OPN4: variants seen among roughly 807,000 people sequenced by gnomAD.
OPN4 encodes the protein melanopsin.
OPN4 carries 43 observed loss-of-function variants against 49.5 expected under a neutral mutation model. The ratio of observed to expected loss-of-function variants is 0.87; its 90% confidence interval spans 0.68 to 1.12. OPN4 has a LOEUF of 1.12. Among genes scored for constraint, OPN4 ranks in the 50% most tolerant of loss-of-function variants. The pLI, the probability that OPN4 is intolerant of heterozygous loss-of-function variation, is 0.00. For synonymous variants in OPN4, 263 were observed against 258.0 expected, an observed-to-expected ratio of 1.02 and a Z score of -0.19; for missense variants, 657 against 643.9, an observed-to-expected ratio of 1.02 and a Z score of -0.22.
Position 86,662,281 on chromosome 10 carries a change from TG to T in OPN4, c.1108del (p.Val370CysfsTer24), listed in dbSNP as rs781343901. The T allele has an allele frequency of 3.7e-6, 6 of 1,609,806 alleles. No individual in the cohort carries two copies. The East Asian group carries it at 8.9e-5, about 24-fold the overall frequency. On this transcript the variant is annotated frameshift_variant, in exon 8 of 10. Coordinates refer to ENST00000241891, the MANE Select transcript of OPN4 (RefSeq NM_033282.4). LOFTEE classifies it high-confidence loss of function. ...GCCATTGCCCAGCACCTGCCCTGCC[TG>T]GGGGTGCTGCTGGGTGTATCACGCC... ...RVAIAQHLPC[L>X]GVLLGVSRRH...
intron 9 of OPN4, among the ~76,000 whole-genome samples, chr10:86,665,077 C>G (rs950474137): frequency 6.6e-6 from 1 of 152,130 alleles, no homozygotes; most frequent in Non-Finnish European, 1.5e-5. Flanking sequence ...GATGAGGATA[C>G]AGCCTGTGTG....
chr10:86,660,061 T>C lies in OPN4; in HGVS notation c.965+2T>C, dbSNP rs1228751619. 1 of 1,614,070 alleles carries C rather than the reference T, an allele frequency of 6.2e-7. No homozygotes were observed. Among genetic ancestry groups the C allele is most frequent in the Admixed American group, 1.7e-5 (1 of 60,028 alleles). On this transcript the variant is annotated splice_donor_variant, in intron 6 of 9. Transcript: ENST00000241891. LOFTEE classifies it high-confidence loss of function. ...TGTGGCCCTGGTGGCCTTTGCTGGG[T>C]AAGCAGTGGCTAAAGGGTTGGGGAA...
In OPN4 at chr10:86,663,761, C is replaced by G. The variant is rs1410430672; in HGVS notation, c.1357C>G (p.Pro453Ala). 2 of 1,559,314 alleles carry G rather than the reference C, an allele frequency of 1.3e-6. No individual in the cohort carries two copies. Among genetic ancestry groups the G allele is most frequent in the Non-Finnish European group, 1.7e-6 (2 of 1,151,976 alleles). Residue 453 changes from proline (P) to alanine (A), a missense_variant, in exon 9 of 10, where the codon CCC becomes GCC. By Grantham distance (27) the Pro-to-Ala change is conservative. Coordinates refer to ENST00000241891, the MANE Select transcript of OPN4 (RefSeq NM_033282.4). ...TCTGGAGGACTTGGAAGCCAAGGCA[C>G]CCCCCAGACCCCAGGGACACGAAGC... is the stretch of plus-strand genomic sequence containing the variant. ...QGLEDLEAKA[P>A]PRPQGHEAET... is the part of the protein sequence containing the mutation.
rs1843930196 is a variant in OPN4, at chr10:86,658,667, T to A, written c.608T>A (p.Leu203Gln). 6.2e-7 allele frequency: 1 copy of A among 1,613,052 alleles called. No individual in the cohort carries two copies. The highest frequency in any genetic ancestry group is 1.3e-5 in the African/African-American group (1 of 74,932). Residue 203 changes from leucine to glutamine, a missense_variant, in exon 4 of 10, where the codon CTG (leucine) becomes CAG (glutamine). By Grantham distance (113) the Leu-to-Gln change is moderately radical (BLOSUM62 -2). Coordinates refer to ENST00000241891, the MANE Select transcript of OPN4 (RefSeq NM_033282.4). Reference sequence around the variant, plus strand: ...TGGCTCTATGCCCTGGCCTGGAGTCTGCCACCCTTCTTCGGCTGGAGTAAG... The same window carrying A: ...TGGCTCTATGCCCTGGCCTGGAGTCAGCCACCCTTCTTCGGCTGGAGTAAG... ...GVWLYALAWS[L>Q]PPFFGWSAYV... is the part of the protein sequence containing the mutation.
chr10:86,658,598 G>T lies in OPN4; in HGVS notation c.539G>T (p.Gly180Val). 1.2e-6 allele frequency: 2 copies of T among 1,614,212 alleles called. No homozygotes were observed. The highest frequency in any genetic ancestry group is 1.7e-6 in the Non-Finnish European group (2 of 1,180,046). Residue 180 changes from glycine (G) to valine (V), a missense_variant, in exon 4 of 10, where the codon GGT (glycine) becomes GTT (valine). Coordinates refer to ENST00000241891, the MANE Select transcript of OPN4 (RefSeq NM_033282.4). Reference sequence around the variant, plus strand: ...ATCACACGCCCGCTGGCCACCTTTGGTGTGGCGTCCAAGAGGCGTGCGGCA... The same window carrying T: ...ATCACACGCCCGCTGGCCACCTTTGTTGTGGCGTCCAAGAGGCGTGCGGCA... ...LVITRPLATF[G>V]VASKRRAAFV...
In OPN4 at chr10:86,656,196, G is replaced by C. The variant is rs143739960; in HGVS notation, c.186G>C (p.Thr62=). 1 of 1,614,136 alleles carries C rather than the reference G, an allele frequency of 6.2e-7. No homozygotes were observed. The highest frequency in any genetic ancestry group is 8.5e-7 in the Non-Finnish European group (1 of 1,180,018). The change falls in exon 2 of 10, where the codon ACG becomes ACC. Residue 62 remains threonine (T), a synonymous_variant. Coordinates refer to ENST00000241891, the MANE Select transcript of OPN4 (RefSeq NM_033282.4). ...TWAAAWVPLP[T]VDVPDHAHYT... ...CTGCTGCCTGGGTCCCCCTCCCCAC[G>C]GTTGATGTTCCAGACCATGCCCACT...
rs1240298020 is a variant in OPN4, at chr10:86,664,835, GC to G, written c.1399-876del. 3.3e-5 allele frequency among the ~76,000 whole-genome samples: 5 copies of G among 152,220 alleles called. No homozygotes were observed. In the East Asian group the frequency reaches 9.6e-4, roughly 29 times the overall value. On this transcript the variant is annotated intron_variant, in intron 9 of 9. Transcript: ENST00000241891. ...AGGCCTGGCAGTGACCCCCAGGCTGGCCAGGCACTGATGAAAGACACAGTGC... is the reference window on the plus strand; with the variant it reads ...AGGCCTGGCAGTGACCCCCAGGCTGGCAGGCACTGATGAAAGACACAGTGC...
chr10:86,657,175 C>A (rs767534936), intron 2 of OPN4: 1 of 780,296 alleles, frequency 1.3e-6, no homozygotes, highest in African/African-American at 1.7e-5. Flanking sequence ...CTTGAGCTCA[C>A]TTTTCTTTCC....
chr10:86,659,544 A>C, intron 5 of OPN4, 76 bp downstream of exon 5: 4 of 1,535,292 alleles, frequency 2.6e-6, no homozygotes, highest in Non-Finnish European at 3.5e-6. Flanking sequence ...CCCACCACTC[A>C]CACCTGCACC....
In OPN4 at chr10:86,656,176, G is replaced by A. The variant is rs192643153; in HGVS notation, c.166G>A (p.Ala56Thr). 1.2e-4 allele frequency: 192 copies of A among 1,614,202 alleles called. 1 individual carries two copies. In the Admixed American group the frequency reaches 3.1e-3, roughly 26 times the overall value. Reference sequence around the variant, plus strand: ...GCAGGCACCTGGGACTTGGGCTGCTGCCTGGGTCCCCCTCCCCACGGTTGA... The same window carrying A: ...GCAGGCACCTGGGACTTGGGCTGCTACCTGGGTCCCCCTCCCCACGGTTGA... ...SPTAPGTWAA[A>T]WVPLPTVDVP... The change falls in exon 2 of 10, where the codon GCC becomes ACC. Residue 56 changes from alanine to threonine, a missense_variant. Ala to Thr is a moderately conservative substitution (Grantham distance 58). Coordinates refer to ENST00000241891, the MANE Select transcript of OPN4 (RefSeq NM_033282.4).
intron 2 of OPN4, 57 bp downstream of exon 2, chr10:86,656,357 G>A (rs1350067104): frequency 6.5e-7 from 1 of 1,534,542 alleles, no homozygotes; most frequent in Non-Finnish European, 8.8e-7. Context: ...ATGCAGACAG[G>A]GAAGAAAATG....
intron 6 of OPN4, among the ~76,000 whole-genome samples, chr10:86,660,963 C>T (rs568188523): frequency 2.0e-5 from 3 of 152,310 alleles, no homozygotes; most frequent in South Asian, 4.1e-4. Context: ...CCCGTCTCTA[C>T]TAAAAATACA....
In OPN4 at chr10:86,658,079, C is replaced by A. The variant is rs1247113380; in HGVS notation, c.338C>A (p.Ala113Glu). The A allele has an allele frequency of 6.2e-7, 1 of 1,614,012 alleles. No homozygotes were observed. The highest frequency in any genetic ancestry group is 8.5e-7 in the Non-Finnish European group (1 of 1,180,020). ...GCCAACATGTTCATTATCAACCTCG[C>A]GGTCAGCGACTTCCTCATGTCCTTC... Reference protein sequence around the residue: ...TPANMFIINLAVSDFLMSFTQ... With the variant: ...TPANMFIINLEVSDFLMSFTQ... Residue 113 changes from alanine to glutamate, a missense_variant, in exon 3 of 10, where the codon GCG (alanine) becomes GAG (glutamate). Coordinates refer to ENST00000241891, the MANE Select transcript of OPN4 (RefSeq NM_033282.4).
chr10:86,659,856 C>T (rs934835625), intron 5 of OPN4, 39 bp from the exon 6 acceptor site: 2 of 1,605,952 alleles, frequency 1.2e-6, no homozygotes, highest in South Asian at 2.2e-5. Flanking sequence ...CTGACTGCCA[C>T]CCGACTAGGG....
At position 86,655,854 on chromosome 10, in the gene OPN4, A is replaced by T. The variant is rs2675704; in HGVS notation, c.145-301A>T. 5.3e-5 allele frequency among the ~76,000 whole-genome samples: 8 copies of T among 152,054 alleles called. No homozygotes were observed. The South Asian group carries it at 1.7e-3, about 32-fold the overall frequency. On this transcript the variant is annotated intron_variant, in intron 1 of 9. Transcript: ENST00000241891. The stretch of plus-strand genomic sequence containing the variant: ...CTCCCTAAGGAAAGATAGGGTGACC[A>T]GGGCCATGTCCCTGCTTGCCAGTCA...
At position 86,661,266 on chromosome 10, in the gene OPN4, C is replaced by G. The variant is rs766139230; in HGVS notation, c.966-15C>G. ...AGGGCCAGCTAGCTTGGGGACCACA[C>G]CTTCTCTGTCCTAGGTACGCACACG... is the stretch of plus-strand genomic sequence containing the variant. On this transcript the variant is annotated splice_polypyrimidine_tract_variant and intron_variant, in intron 6 of 9. Transcript: ENST00000241891. 6.2e-7 allele frequency: 1 copy of G among 1,609,038 alleles called. No homozygotes were observed. The highest frequency in any genetic ancestry group is 1.7e-4 in the Middle Eastern group (1 of 6,058).
rs867807609 is a variant in OPN4 at position 86,659,985 on chromosome 10, C to T, written c.891C>T (p.Ile297=). The T allele has an allele frequency of 6.2e-7, 1 of 1,614,228 alleles. No homozygotes were observed. Among genetic ancestry groups the T allele is most frequent in the Non-Finnish European group, 8.5e-7 (1 of 1,180,032 alleles). ...AGAGCGAGTGCAAGATGGCCAAGAT[C>T]ATGCTGCTGGTCATCCTCCTCTTCG... The part of the protein sequence containing the change: ...RLQSECKMAK[I]MLLVILLFVL... Residue 297 remains isoleucine, a synonymous_variant, in exon 6 of 10, where the codon ATC becomes ATT. Transcript: ENST00000241891.
chr10:86,662,545 A>T, intron 8 of OPN4, 113 bp downstream of exon 8: 5 of 1,028,142 alleles, frequency 4.9e-6, no homozygotes, highest in Non-Finnish European at 6.9e-6. Flanking sequence ...ACTCAGGGAC[A>T]CTGAGGACGC....
At chr10:86,656,111 G>C (rs1447370228) in intron 1 of OPN4, 44 bp from the exon 2 acceptor site, 1 of 1,613,558 alleles carries the variant, frequency 6.2e-7, no homozygotes, top group Non-Finnish European at 8.5e-7. Flanking sequence ...ATTTGAAGGT[G>C]ACAAGCGATA....
Sources: gnomAD v4.1 joint callset for allele counts (sites outside exome capture counted in the v4.1 genomes callset) on GRCh38, gnomAD v4.1.1 for gene constraint, MANE v1.5 for transcripts, NCBI Gene and HGNC (gene_info 2026-07-23, HGNC 2026-07-21) for gene names.